Variants in HDAC9 observed in about 807,000 individuals in gnomAD.
HDAC9 encodes histone deacetylase 9, also known as MEF-2 interacting transcription repressor (MITR) protein.
HDAC9 carries 41 observed loss-of-function variants against 139.4 expected under a neutral mutation model. The observed-to-expected ratio is 0.29, with a 90% CI of 0.23 to 0.38. The LOEUF (loss-of-function observed/expected upper bound fraction) is 0.38. Ranked by LOEUF, HDAC9 falls within the 10% of genes least tolerant of loss-of-function variation. The pLI, the probability that HDAC9 is intolerant of heterozygous loss-of-function variation, is 1.00. For synonymous variants in HDAC9, 517 were observed against 476.2 expected (o/e 1.09, Z -1.12); for missense variants, 1,147 against 1,297.0 (o/e 0.88, Z 1.78).
intron 21 of HDAC9, among the ~76,000 whole-genome samples, chr7:18,867,054 T>C (rs1230078110): frequency 6.6e-6 from 1 of 152,252 alleles, no homozygotes; most frequent in Non-Finnish European, 1.5e-5. Context: ...ACATGATTTG[T>C]ATCTCTTTAT....
At position 18,582,938 on chromosome 7, in the gene HDAC9, T is replaced by A. The variant is rs985747732; in HGVS notation, c.23-2343T>A. ...ATGGGGCATTGTACACATATATGTA[T>A]ACACGTGGGTCATATATATGATAAT... On this transcript the variant is annotated intron_variant, in intron 2 of 25. Coordinates refer to ENST00000686413, the MANE Select transcript of HDAC9 (RefSeq NM_178425.4). 2.0e-5 allele frequency among the ~76,000 whole-genome samples: 3 copies of A among 152,212 alleles called. 1 individual carries two copies. Among genetic ancestry groups the A allele is most frequent in the African/African-American group, 7.2e-5 (3 of 41,460 alleles).
At chr7:18,228,091 T>A (rs774082402) in intron 2 of HDAC9, among the ~76,000 whole-genome samples, 28 of 152,210 alleles carry the variant, frequency 1.8e-4, no homozygotes, top group Admixed American at 3.3e-4. Flanking sequence ...CAATTTTTAA[T>A]CATTGTGCTT....
At chr7:18,650,317 A>G (rs931139448) in intron 11 of HDAC9, among the ~76,000 whole-genome samples, 16 of 152,148 alleles carry the variant, frequency 1.1e-4, no homozygotes, top group Admixed American at 3.3e-4. Flanking sequence ...TAAAACCAGT[A>G]TTAGATAGTA....
chr7:18,395,593 TGTTA>T (rs920494025), intron 1 of HDAC9, among the ~76,000 whole-genome samples: 2 of 152,022 alleles, frequency 1.3e-5, no homozygotes, highest in African/African-American at 4.8e-5. Context: ...GAGAATTCTT[TGTTA>T]GAGTATTCTC....
At chr7:18,576,084 G>A (rs780095839) in intron 2 of HDAC9, among the ~76,000 whole-genome samples, 1 of 152,154 alleles carries the variant, frequency 6.6e-6, no homozygotes, top group Non-Finnish European at 1.5e-5. Flanking sequence ...GAAATGTGTT[G>A]GTATTGGGGG....
chr7:18,990,904 C>T (rs139544215), intron 25 of HDAC9, among the ~76,000 whole-genome samples: 95 of 152,330 alleles, frequency 6.2e-4, no homozygotes, highest in East Asian at 3.5e-3. Flanking sequence ...TGCTTGGGCT[C>T]GCGCATGGAG....
chr7:18,132,000 C>T (rs1785043556), intron 1 of HDAC9, among the ~76,000 whole-genome samples: 1 of 152,170 alleles, frequency 6.6e-6, no homozygotes, highest in South Asian at 2.1e-4. Context: ...TGGAGAATCA[C>T]TGCTTGTTCT....
rs947516781 is a variant in HDAC9, at chr7:18,667,085, C to T, written c.1731+609C>T. 7 of 985,146 alleles carry T rather than the reference C, an allele frequency of 7.1e-6. No individual in the cohort carries two copies. In the African/African-American group the frequency reaches 8.7e-5, roughly 12 times the overall value. 61.0% of individuals were successfully genotyped at this position (985,146 alleles called of 1,614,324 possible). ...GGTTATTGTGTAGGTTGCAATTGAACATATTAGGAATACAGGTGGTTTTAA... is the reference window on the plus strand; with the variant it reads ...GGTTATTGTGTAGGTTGCAATTGAATATATTAGGAATACAGGTGGTTTTAA... On this transcript the variant is annotated intron_variant, in intron 12 of 25. Coordinates refer to ENST00000686413, the MANE Select transcript of HDAC9 (RefSeq NM_178425.4).
At chr7:18,691,788 A>AGACT (rs1183022852) in intron 12 of HDAC9, among the ~76,000 whole-genome samples, 1 of 152,068 alleles carries the variant, frequency 6.6e-6, no homozygotes, top group Non-Finnish European at 1.5e-5. Context: ...AAGCTAACAT[A>AGACT]GACTGCAGTG....
intron 17 of HDAC9, among the ~76,000 whole-genome samples, chr7:18,796,259 T>G (rs139353484): frequency 0.013 from 1,925 of 152,268 alleles, 30 homozygotes; most frequent in African/African-American, 0.036. Flanking sequence ...ATAAGAAATG[T>G]GCACAAAAAA....
At chr7:18,697,500 A>T (rs1361234062) in intron 12 of HDAC9, among the ~76,000 whole-genome samples, 2 of 152,112 alleles carry the variant, frequency 1.3e-5, no homozygotes, top group Non-Finnish European at 2.9e-5. Context: ...TTTTTGCTGA[A>T]AATTATCTTG....
intron 12 of HDAC9, among the ~76,000 whole-genome samples, chr7:18,701,699 C>T (rs1783501285): frequency 6.6e-6 from 1 of 152,188 alleles, no homozygotes; most frequent in Non-Finnish European, 1.5e-5. Flanking sequence ...AATCATCTGT[C>T]AATGTCATGC....
At chr7:18,928,286 A>G (rs1339894067) in intron 22 of HDAC9, among the ~76,000 whole-genome samples, 1 of 152,218 alleles carries the variant, frequency 6.6e-6, no homozygotes, top group Non-Finnish European at 1.5e-5. Context: ...CTGAGCTTCT[A>G]TCAAAACATT....
At chr7:18,869,089 C>T (rs73320042) in intron 21 of HDAC9, among the ~76,000 whole-genome samples, 3,292 of 151,442 alleles carry the variant, frequency 0.022, 131 homozygotes, top group African/African-American at 0.074. Flanking sequence ...TTAATCCAAC[C>T]CAAAGAGGGG....
rs114295380 is a variant in HDAC9 at position 18,761,562 on chromosome 7, A to T, written c.2044-595A>T. On this transcript the variant is annotated intron_variant, in intron 14 of 25. Coordinates refer to ENST00000686413, the MANE Select transcript of HDAC9 (RefSeq NM_178425.4). ...TTGCCATAAAAGTTTCTAAATATTG[A>T]TCTGAATTTCTGTACTGACCTCACT... Among the ~76,000 whole-genome samples the T allele has an allele frequency of 3.8e-3, 584 of 152,326 alleles. 3 individuals carry two copies. Among genetic ancestry groups the T allele is most frequent in the African/African-American group, 0.014 (563 of 41,580 alleles).
At chr7:18,814,109 C>A (rs936067555) in intron 17 of HDAC9, among the ~76,000 whole-genome samples, 2 of 152,154 alleles carry the variant, frequency 1.3e-5, no homozygotes, top group South Asian at 2.1e-4. Context: ...CTAAAAATTG[C>A]TGCATCTTTC....
At chr7:18,839,452 C>G (rs1350353197) in intron 21 of HDAC9, among the ~76,000 whole-genome samples, 1 of 152,028 alleles carries the variant, frequency 6.6e-6, no homozygotes, top group African/African-American at 2.4e-5. Flanking sequence ...CCCGCATAGC[C>G]TCCCAACCTA....
chr7:18,532,504 T>C (rs1295860671), intron 2 of HDAC9, among the ~76,000 whole-genome samples: 4 of 152,176 alleles, frequency 2.6e-5, no homozygotes, highest in Non-Finnish European at 5.9e-5. Flanking sequence ...CTTGTTTAAT[T>C]ATATGATTTT....
intron 22 of HDAC9, among the ~76,000 whole-genome samples, chr7:18,888,153 G>T (rs1800332761): frequency 6.6e-6 from 1 of 152,196 alleles, no homozygotes; most frequent in Admixed American, 6.5e-5. Context: ...CGGGTGCGGT[G>T]GCTCCCGCCT....
Sources: allele counts gnomAD v4.1 joint callset (sites outside exome capture counted in the v4.1 genomes callset), GRCh38; gene constraint gnomAD v4.1.1; transcripts MANE v1.5; gene names NCBI Gene and HGNC (gene_info 2026-07-23, HGNC 2026-07-21).